Variants in FHIT observed in about 807,000 individuals in gnomAD.
FHIT encodes fragile histidine triad diadenosine triphosphatase.
In FHIT, 19 loss-of-function variants were observed where a neutral mutation model predicts 17.9. The observed-to-expected ratio is 1.06, with a 90% CI of 0.74 to 1.56. FHIT has a LOEUF of 1.56. Ranked by LOEUF, FHIT falls within the 40% of genes most tolerant of loss-of-function variation. The pLI is 0.00. For missense variants in FHIT, 248 were observed against 189.2 expected (o/e 1.31, Z -1.82); for synonymous variants, 81 against 69.7 (o/e 1.16, Z -0.81).
chr3:60,661,139 T>C (rs2040237768), intron 4 of FHIT, among the ~76,000 whole-genome samples: 1 of 152,148 alleles, frequency 6.6e-6, no homozygotes, highest in Admixed American at 6.5e-5. Flanking sequence ...TTTCTGAGAT[T>C]TTGGTGCACC....
At chr3:60,980,018 G>T (rs1057073608) in intron 3 of FHIT, among the ~76,000 whole-genome samples, 1 of 152,176 alleles carries the variant, frequency 6.6e-6, no homozygotes, top group African/African-American at 2.4e-5. Context: ...CATTTCTGTG[G>T]CTGAGCTATG....
chr3:61,041,763 C>T (rs1397335251), intron 3 of FHIT, among the ~76,000 whole-genome samples: 1 of 151,296 alleles, frequency 6.6e-6, no homozygotes, highest in East Asian at 1.9e-4. Context: ...AGCAGTAATT[C>T]TTTTGAGCTA....
At chr3:60,611,126 T>C (rs1016740982) in intron 4 of FHIT, among the ~76,000 whole-genome samples, 1 of 152,182 alleles carries the variant, frequency 6.6e-6, no homozygotes, top group Non-Finnish European at 1.5e-5. Context: ...GCTCATCTCA[T>C]AGTTGTCTTC....
chr3:60,843,289 G>T (rs782767255), intron 3 of FHIT, among the ~76,000 whole-genome samples: 5 of 151,920 alleles, frequency 3.3e-5, no homozygotes, highest in African/African-American at 4.8e-5. Context: ...CATACGACAG[G>T]TTTTTTTCTC....
intron 8 of FHIT, among the ~76,000 whole-genome samples, chr3:59,753,050 T>C (rs1366042204): frequency 4.6e-5 from 7 of 152,180 alleles, no homozygotes; most frequent in Non-Finnish European, 8.8e-5. Context: ...TTTTACTTCC[T>C]GGATTTTGAA....
At chr3:60,977,393 C>G (rs750311078) in intron 3 of FHIT, among the ~76,000 whole-genome samples, 1 of 152,174 alleles carries the variant, frequency 6.6e-6, no homozygotes, top group Non-Finnish European at 1.5e-5. Context: ...ATGTATCATA[C>G]TTCTGCTCAG....
chr3:60,246,664 G>C (rs1476622814), intron 5 of FHIT, among the ~76,000 whole-genome samples: 2 of 152,102 alleles, frequency 1.3e-5, no homozygotes, highest in African/African-American at 4.8e-5. Flanking sequence ...CTCAAGCTCT[G>C]TATTCAGCTT....
chr3:61,175,055 C>T (rs573849596), intron 2 of FHIT, among the ~76,000 whole-genome samples: 280 of 151,704 alleles, frequency 1.8e-3, no homozygotes, highest in African/African-American at 6.4e-3. Flanking sequence ...GAAACCCTCA[C>T]GAAAGGTTAA....
At chr3:59,773,995 TTAAA>T (rs1414421850) in intron 8 of FHIT, among the ~76,000 whole-genome samples, 1 of 152,240 alleles carries the variant, frequency 6.6e-6, no homozygotes, top group African/African-American at 2.4e-5. Flanking sequence ...ATATTTTGGA[TTAAA>T]TAAAATATTA....
intron 2 of FHIT, among the ~76,000 whole-genome samples, chr3:61,081,907 CTCCCATATTAAA>C (rs1052296634): frequency 6.6e-6 from 1 of 152,088 alleles, no homozygotes; most frequent in African/African-American, 2.4e-5. Flanking sequence ...CCTACTAACA[CTCCCATATTAAA>C]TCAATCACCA....
At chr3:60,878,903 G>C (rs1228850570) in intron 3 of FHIT, among the ~76,000 whole-genome samples, 1 of 152,206 alleles carries the variant, frequency 6.6e-6, no homozygotes, top group South Asian at 2.1e-4. Context: ...TGGATATATG[G>C]GTTGGTTCCA....
intron 3 of FHIT, among the ~76,000 whole-genome samples, chr3:61,008,359 G>C (rs908055586): frequency 6.6e-6 from 1 of 152,190 alleles, no homozygotes; most frequent in Non-Finnish European, 1.5e-5. Context: ...GTCACTAACT[G>C]ATTCCTGCTC....
intron 5 of FHIT, among the ~76,000 whole-genome samples, chr3:60,355,559 A>C (rs940582270): frequency 6.6e-6 from 1 of 152,206 alleles, no homozygotes; most frequent in Admixed American, 6.5e-5. Flanking sequence ...ATGTTCCTAA[A>C]TGAAATGAAA....
intron 1 of FHIT, among the ~76,000 whole-genome samples, chr3:61,230,352 C>T (rs964795171): frequency 6.6e-6 from 1 of 152,078 alleles, no homozygotes; most frequent in Non-Finnish European, 1.5e-5. Flanking sequence ...TATGGCACCT[C>T]CCCTTACTAT....
At chr3:60,413,951 C>T (rs1022764280) in intron 5 of FHIT, among the ~76,000 whole-genome samples, 2 of 152,146 alleles carry the variant, frequency 1.3e-5, no homozygotes, top group Non-Finnish European at 2.9e-5. Context: ...ACAAAGCTTA[C>T]AATCTAGTCA....
At chr3:60,060,800 C>T (rs1199797476) in intron 5 of FHIT, among the ~76,000 whole-genome samples, 1 of 152,170 alleles carries the variant, frequency 6.6e-6, no homozygotes, top group African/African-American at 2.4e-5. Flanking sequence ...TAGATTTAAT[C>T]ACAGAGGGAA....
chr3:60,629,873 A>T (rs1226714642), intron 4 of FHIT, among the ~76,000 whole-genome samples: 1 of 152,206 alleles, frequency 6.6e-6, no homozygotes, highest in East Asian at 1.9e-4. Context: ...GCAGGGATAC[A>T]AACTATTTTA....
At chr3:60,834,203 G>C (rs1702438488) in intron 3 of FHIT, among the ~76,000 whole-genome samples, 1 of 152,182 alleles carries the variant, frequency 6.6e-6, no homozygotes, top group Non-Finnish European at 1.5e-5. Flanking sequence ...CCATTTTCTA[G>C]AGTGGCTATA....
intron 4 of FHIT, chr3:60,730,315 T>C (rs1377483635): frequency 1.2e-5 from 3 of 259,992 alleles, no homozygotes; most frequent in Admixed American, 4.1e-5. Flanking sequence ...TTTTGTAGCC[T>C]CCCCAATATC....
Sources: allele counts gnomAD v4.1 joint callset (sites outside exome capture counted in the v4.1 genomes callset), GRCh38; gene constraint gnomAD v4.1.1; transcripts MANE v1.5; gene names NCBI Gene and HGNC (gene_info 2026-07-23, HGNC 2026-07-21).